The following ABCG1 variants were observed in gnomAD, a reference collection of about 807,000 sequenced individuals.
ABCG1 encodes the protein ATP-binding cassette sub-family G member 1.
Under a neutral mutation model 69.2 loss-of-function variants are expected in ABCG1, and 29 were observed. The ratio of observed to expected loss-of-function variants is 0.42; its 90% CI spans 0.31 to 0.57. The LOEUF (loss-of-function observed/expected upper bound fraction) is 0.57. Among genes scored for constraint, ABCG1 ranks in the 20% least tolerant of loss-of-function variants. The probability of loss-of-function intolerance (pLI) is 0.15; values close to 1 mark genes in which losing one functional copy is unlikely to be tolerated. For missense variants in ABCG1, 718 were observed against 898.1 expected (o/e 0.80, Z 2.56); for synonymous variants, 370 against 374.8 (o/e 0.99, Z 0.15).
chr21:42,213,995 G>A (rs371351737), upstream of ABCG1, among the ~76,000 whole-genome samples: 61 of 152,268 alleles, frequency 4.0e-4, no homozygotes, highest in East Asian at 5.6e-3. Flanking sequence ...ATTTGGTGCC[G>A]GGAACAATTT....
At chr21:42,279,529 T>TGG in intron 5 of ABCG1, among the ~76,000 whole-genome samples, 1 of 152,240 alleles carries the variant, frequency 6.6e-6, no homozygotes, top group South Asian at 2.1e-4. Context: ...ACCTGTAACG[T>TGG]GGGGACAGGA....
At chr21:42,264,064 T>G (rs561608229) in intron 2 of ABCG1, among the ~76,000 whole-genome samples, 14 of 152,214 alleles carry the variant, frequency 9.2e-5, no homozygotes, top group Non-Finnish European at 2.1e-4. Flanking sequence ...TCCAGGGCAG[T>G]GACAGAGCTG....
intron 2 of ABCG1, among the ~76,000 whole-genome samples, chr21:42,228,633 A>G (rs571746839): frequency 6.6e-6 from 1 of 152,354 alleles, no homozygotes. Flanking sequence ...ACTCCGACAC[A>G]GTGGCCATGC....
At chr21:42,202,054 G>T (rs962393644) in intron 2 of ABCG1, among the ~76,000 whole-genome samples, 9 of 148,528 alleles carry the variant, frequency 6.1e-5, no homozygotes, top group African/African-American at 2.4e-4. Flanking sequence ...GAGTGTGCAG[G>T]TGCCTGTCCC....
chr21:42,269,688 C>T (rs1451484559), intron 2 of ABCG1, among the ~76,000 whole-genome samples: 1 of 152,208 alleles, frequency 6.6e-6, no homozygotes, highest in Non-Finnish European at 1.5e-5. Flanking sequence ...AGGGACTCCA[C>T]ATCCAAATTA....
chr21:42,267,308 A>T (rs1034785018), intron 2 of ABCG1, among the ~76,000 whole-genome samples: 6 of 149,960 alleles, frequency 4.0e-5, no homozygotes, highest in Non-Finnish European at 8.9e-5. Flanking sequence ...TCTAGGTCTA[A>T]TCTGGGTTCT....
chr21:42,259,297 G>T, intron 2 of ABCG1: 1 of 1,532,932 alleles, frequency 6.5e-7, no homozygotes, highest in Non-Finnish European at 8.8e-7. Flanking sequence ...GTTTGTAAGT[G>T]AAGTTTTGTT....
At chr21:42,294,704 G>C in intron 14 of ABCG1, 44 bp downstream of exon 14, 1 of 1,568,138 alleles carries the variant, frequency 6.4e-7, no homozygotes, top group Non-Finnish European at 8.8e-7. Context: ...CGAGGGTGAC[G>C]GGGGAAGAAC....
At chr21:42,241,873 G>C (rs1377533888) in intron 2 of ABCG1, among the ~76,000 whole-genome samples, 1 of 150,522 alleles carries the variant, frequency 6.6e-6, no homozygotes, top group East Asian at 2.0e-4. Context: ...AGTTACTTGG[G>C]AGGCTGAGGT....
chr21:42,271,923 CAAA>C (rs1283065173), intron 3 of ABCG1, among the ~76,000 whole-genome samples: 4 of 152,134 alleles, frequency 2.6e-5, no homozygotes, highest in African/African-American at 4.8e-5. Flanking sequence ...AGAAAAACAA[CAAA>C]GAAGTTTGGC....
At chr21:42,289,545 C>A (rs561190495) in intron 10 of ABCG1, among the ~76,000 whole-genome samples, 1 of 152,090 alleles carries the variant, frequency 6.6e-6, no homozygotes, top group African/African-American at 2.4e-5. Context: ...GGTGAATACG[C>A]GGGAACCATA....
At chr21:42,216,385 ATCCTCAGGG>A (rs4148144), upstream of ABCG1, among the ~76,000 whole-genome samples, 20,933 of 152,104 alleles carry the variant, frequency 0.14, 1,700 homozygotes, top group East Asian at 0.24. Flanking sequence ...TGCCTGGTTG[ATCCTCAGGG>A]TTCTACTTAG....
At chr21:42,259,994 TGCG>T in intron 2 of ABCG1, 10 of 1,535,258 alleles carry the variant, frequency 6.5e-6, no homozygotes, top group Middle Eastern at 1.7e-4. Context: ...TTCAGGCCAG[TGCG>T]GCATCCTGCA....
chr21:42,294,323 C>G (rs1015796683), intron 13 of ABCG1, among the ~76,000 whole-genome samples: 1 of 152,216 alleles, frequency 6.6e-6, no homozygotes, highest in Non-Finnish European at 1.5e-5. Flanking sequence ...GCAGGAGGCT[C>G]TGGGGCTGCC....
At chr21:42,204,140 T>C (rs974605022) in intron 2 of ABCG1, among the ~76,000 whole-genome samples, 6 of 152,232 alleles carry the variant, frequency 3.9e-5, no homozygotes, top group Non-Finnish European at 7.3e-5. Flanking sequence ...GGAGTGCTTT[T>C]GTGGATAGAT....
At chr21:42,205,658 T>C (rs1218623323) in intron 2 of ABCG1, among the ~76,000 whole-genome samples, 1 of 152,070 alleles carries the variant, frequency 6.6e-6, no homozygotes, top group East Asian at 1.9e-4. Context: ...ACCAGCTTTG[T>C]GTTTCATTGA....
chr21:42,241,616 AT>A (rs1312727497), intron 2 of ABCG1, among the ~76,000 whole-genome samples: 26 of 101,770 alleles, frequency 2.6e-4, no homozygotes, highest in Admixed American at 8.1e-4. Context: ...AAAAAAAAAA[AT>A]AACAAAAAAA....
rs1273211186 is a variant in ABCG1 at position 42,258,003 on chromosome 21, A to G, written c.287-13067A>G. Among the ~76,000 whole-genome samples, 4 of 114,144 alleles carry G rather than the reference A, an allele frequency of 3.5e-5. 1 individual carries two copies. Among genetic ancestry groups the G allele is most frequent in the Non-Finnish European group, 7.2e-5 (4 of 55,526 alleles). 74.9% of individuals were successfully genotyped at this position (114,144 alleles called of 152,430 possible). Reference sequence around the variant, plus strand: ...ATTTACTCCATCCATCCTTCCTCCCATTTCCCCATCCACTCCATCAGCCTC... The same window carrying G: ...ATTTACTCCATCCATCCTTCCTCCCGTTTCCCCATCCACTCCATCAGCCTC... On this transcript the variant is annotated intron_variant, in intron 2 of 14. Coordinates refer to ENST00000398449, the MANE Select transcript of ABCG1 (RefSeq NM_016818.3).
chr21:42,201,458 C>T (rs760373557), intron 1 of ABCG1: 75 of 576,902 alleles, frequency 1.3e-4, no homozygotes, highest in African/African-American at 5.3e-4. Context: ...CCATTCCTAA[C>T]GGGCCACGGA....
Sources: allele counts gnomAD v4.1 joint callset (sites outside exome capture counted in the v4.1 genomes callset), GRCh38; gene constraint gnomAD v4.1.1; transcripts MANE v1.5; gene names NCBI Gene and HGNC (gene_info 2026-07-23, HGNC 2026-07-21).